Variants in PSMC5 observed in about 807,000 individuals in gnomAD.
PSMC5 encodes 26S proteasome regulatory subunit 8.
PSMC5 carries 11 observed loss-of-function variants against 49.1 expected under a neutral mutation model. The ratio of observed to expected loss-of-function variants is 0.22; its 90% CI spans 0.14 to 0.37. PSMC5 has a LOEUF of 0.37. Ranked by LOEUF, PSMC5 falls within the 10% of genes least tolerant of loss-of-function variation. The probability of loss-of-function intolerance (pLI) is 1.00; values close to 1 mark genes in which losing one functional copy is unlikely to be tolerated. For synonymous variants in PSMC5, 206 were observed against 192.2 expected (o/e 1.07, Z -0.59); for missense variants, 229 against 520.9 (o/e 0.44, Z 5.45).
In PSMC5 at chr17:63,827,446, C is replaced by T; in HGVS notation, c.-45C>T. On this transcript the variant is annotated 5_prime_UTR_variant, in exon 1 of 12. Transcript: ENST00000310144. ...CCAATCCTCCGCTTCCGCGCTTGCGCGCCAAGACGGCTCGGATGCCGGCGG... is the reference window on the plus strand; with the variant it reads ...CCAATCCTCCGCTTCCGCGCTTGCGTGCCAAGACGGCTCGGATGCCGGCGG... 1 of 1,551,738 alleles carries T rather than the reference C, an allele frequency of 6.4e-7. No homozygotes were observed. Among genetic ancestry groups the T allele is most frequent in the Non-Finnish European group, 8.7e-7 (1 of 1,147,002 alleles).
In PSMC5 at chr17:63,831,857, A is replaced by G. The variant is rs1464411450; in HGVS notation, c.1167+47A>G. On this transcript the variant is annotated intron_variant, in intron 11 of 11. Coordinates refer to ENST00000310144, the MANE Select transcript of PSMC5 (RefSeq NM_002805.6). The surrounding 1 kb of genome is among the most constrained non-coding windows in gnomAD (Gnocchi z 6.3). ...CCTTTGCCAGTGGTGGCTCTGGGGC[A>G]GTGGGCTAGGGCATGTGTGTGTTCG... 2.5e-6 allele frequency: 4 copies of G among 1,612,772 alleles called. No individual in the cohort carries two copies. Among genetic ancestry groups the G allele is most frequent in the Non-Finnish European group, 3.4e-6 (4 of 1,178,872 alleles).
rs758453195 is a variant in PSMC5 at position 63,830,987 on chromosome 17, GAGCTAATA to G, written c.680-36_680-29del. 170 of 1,611,446 alleles carry G rather than the reference GAGCTAATA, an allele frequency of 1.1e-4. 1 individual carries two copies. The African/African-American group carries it at 1.5e-3, about 14-fold the overall frequency. On this transcript the variant is annotated intron_variant, in intron 7 of 11. Coordinates refer to ENST00000310144, the MANE Select transcript of PSMC5 (RefSeq NM_002805.6). This position sits in a 1 kb window ranked among gnomAD's most constrained non-coding sequence, Gnocchi z 4.0. The stretch of plus-strand genomic sequence containing the variant: ...CAAGAGGTAGGGGTAGGGGGTTAGA[GAGCTAATA>G]AGCTAATAAGCTCCCTAACACCAGC...
rs1393282895 is a variant in PSMC5 at position 63,827,470 on chromosome 17, G to A, written c.-21G>A. ...GCGCCAAGACGGCTCGGATGCCGGC[G>A]GTCTCTGCTGAAGAGAGAAGATGGC... On this transcript the variant is annotated 5_prime_UTR_variant, in exon 1 of 12. Transcript: ENST00000310144. 7 of 1,551,604 alleles carry A rather than the reference G, an allele frequency of 4.5e-6. No homozygotes were observed. The East Asian group carries it at 9.8e-5, about 22-fold the overall frequency.
intron 2 of PSMC5, 40 bp downstream of exon 2, chr17:63,828,249 T>C (rs956240702): frequency 6.3e-7 from 1 of 1,593,028 alleles, no homozygotes. Context: ...AGGGTGATGA[T>C]GGGGGATGGA....
chr17:63,831,359 G>C lies in PSMC5; in HGVS notation c.903G>C (p.Leu301=), dbSNP rs1333807991. 3 of 1,613,904 alleles carry C rather than the reference G, an allele frequency of 1.9e-6. No individual in the cohort carries two copies. The African/African-American group carries it at 4.0e-5, about 22-fold the overall frequency. The change falls in exon 9 of 12, where the codon CTG becomes CTC. Residue 301 remains leucine (L), a synonymous_variant. Transcript: ENST00000310144. This position sits in a 1 kb window ranked among gnomAD's most constrained non-coding sequence, Gnocchi z 6.3. ...VIMATNRIDI[L]DSALLRPGRI... is the part of the protein sequence containing the mutation. ...TGGCTACTAATAGGATTGATATCCT[G>C]GACTCGGCACTGCTTCGCCCAGGGC...
chr17:63,828,809 G>A (rs1467879245), intron 2 of PSMC5: 2 of 154,618 alleles, frequency 1.3e-5, no homozygotes, highest in Admixed American at 6.4e-5. Context: ...GTCTGTTAGT[G>A]TTACGTTATA....
chr17:63,830,239 T>C lies in PSMC5; in HGVS notation c.322-32T>C. 1 of 1,614,086 alleles carries C rather than the reference T, an allele frequency of 6.2e-7. No individual in the cohort carries two copies. The highest frequency in any genetic ancestry group is 1.7e-5 in the Admixed American group (1 of 60,018). On this transcript the variant is annotated intron_variant, in intron 5 of 11. Transcript: ENST00000310144. This position sits in a 1 kb window ranked among gnomAD's most constrained non-coding sequence, Gnocchi z 4.0. ...GTGGTGGTGGGGTCAGCTCTTACTG[T>C]ACCACTTCTGAAACTCGCCCCCTTC...
Position 63,831,630 on chromosome 17 carries a change from C to T in PSMC5, c.1080+14C>T. 1.2e-6 allele frequency: 2 copies of T among 1,613,696 alleles called. 1 individual carries two copies. The highest frequency in any genetic ancestry group is 2.2e-5 in the South Asian group (2 of 91,062). ...GCTGAAGTGAAGGTAATTGGAGTAC[C>T]CACTGAAAACAGGGCAGAGGCAGGA... On this transcript the variant is annotated intron_variant, in intron 10 of 11. Transcript: ENST00000310144. This position sits in a 1 kb window ranked among gnomAD's most constrained non-coding sequence, Gnocchi z 6.3.
At position 63,831,813 on chromosome 17, in the gene PSMC5, A is replaced by G. The variant is rs1456282098; in HGVS notation, c.1167+3A>G. On this transcript the variant is annotated splice_donor_region_variant and intron_variant, in intron 11 of 11. Transcript: ENST00000310144. This position sits in a 1 kb window ranked among gnomAD's most constrained non-coding sequence, Gnocchi z 6.3. The stretch of plus-strand genomic sequence containing the variant: ...ACTTTGAGATGGCAGTAGCCAAGGT[A>G]TAGGCCTCCATCTTTGTGCCTTTGC... 6.2e-7 allele frequency: 1 copy of G among 1,614,104 alleles called. No homozygotes were observed. The highest frequency in any genetic ancestry group is 8.5e-7 in the Non-Finnish European group (1 of 1,179,958).
chr17:63,831,345 A>G lies in PSMC5; in HGVS notation c.889A>G (p.Arg297Gly). 6.2e-7 allele frequency: 1 copy of G among 1,614,028 alleles called. No homozygotes were observed. The highest frequency in any genetic ancestry group is 8.5e-7 in the Non-Finnish European group (1 of 1,180,022). Reference protein sequence around the residue: ...KNIKVIMATNRIDILDSALLR... With the variant: ...KNIKVIMATNGIDILDSALLR... ...TGCTCAGGTTATCATGGCTACTAAT[A>G]GGATTGATATCCTGGACTCGGCACT... The change falls in exon 9 of 12, where the codon AGG (arginine) becomes GGG (glycine). Residue 297 changes from arginine (R) to glycine (G), a missense_variant. This residue lies in a region of PSMC5 where 121 missense variants were observed against 330.6 expected (regional missense o/e 0.37). Coordinates refer to ENST00000310144, the MANE Select transcript of PSMC5 (RefSeq NM_002805.6). This position sits in a 1 kb window ranked among gnomAD's most constrained non-coding sequence, Gnocchi z 6.3.
Position 63,830,605 on chromosome 17 carries a change from T to TG in PSMC5, c.552+105dup. ...GGAGGCACCGGGATAGGCTGCATCT[T>TG]GCTTGGGCTGGCCCTCCCCCTGAAA... is the stretch of plus-strand genomic sequence containing the variant. On this transcript the variant is annotated intron_variant, in intron 6 of 11. Transcript: ENST00000310144. This position sits in a 1 kb window ranked among gnomAD's most constrained non-coding sequence, Gnocchi z 4.0. 6.6e-7 allele frequency: 1 copy of TG among 1,514,756 alleles called. No homozygotes were observed. The highest frequency in any genetic ancestry group is 8.8e-7 in the Non-Finnish European group (1 of 1,132,136). 93.8% of individuals were successfully genotyped at this position (1,514,756 alleles called of 1,614,324 possible). A position where few individuals can be genotyped will look rare whatever the true frequency, so the allele number is the denominator to read the frequency against.
In PSMC5 at chr17:63,829,895, C is replaced by A. The variant is rs372235083; in HGVS notation, c.210C>A (p.Gly70=). Residue 70 remains glycine, a synonymous_variant, in exon 4 of 12, where the codon GGC becomes GGA. Coordinates refer to ENST00000310144, the MANE Select transcript of PSMC5 (RefSeq NM_002805.6). ...AGCTACAGCTGCTGCAGGAGCAGGG[C>A]TCCTATGTGGGGGAAGTAGTCCGGG... is the stretch of plus-strand genomic sequence containing the variant. ...REELQLLQEQ[G]SYVGEVVRAM... is the part of the protein sequence containing the mutation. The A allele has an allele frequency of 3.5e-5, 56 of 1,613,730 alleles. No homozygotes were observed. Among genetic ancestry groups the A allele is most frequent in the Non-Finnish European group, 4.7e-5 (55 of 1,179,888 alleles).
Position 63,827,436 on chromosome 17 carries a change from C to G in PSMC5, c.-55C>G. On this transcript the variant is annotated 5_prime_UTR_variant, in exon 1 of 12. Coordinates refer to ENST00000310144, the MANE Select transcript of PSMC5 (RefSeq NM_002805.6). ...TCTTCAGGTCCCAATCCTCCGCTTC[C>G]GCGCTTGCGCGCCAAGACGGCTCGG... The G allele has an allele frequency of 6.4e-7, 1 of 1,551,646 alleles. No individual in the cohort carries two copies. The highest frequency in any genetic ancestry group is 1.7e-4 in the Middle Eastern group (1 of 5,990).
intron 1 of PSMC5, chr17:63,827,818 T>C: frequency 7.0e-7 from 1 of 1,428,386 alleles, no homozygotes; most frequent in Non-Finnish European, 9.1e-7. Flanking sequence ...TTCCGCTGGC[T>C]CCTTCGTCAG....
intron 1 of PSMC5, 100 bp from the exon 2 acceptor site, chr17:63,828,038 C>T: frequency 7.0e-7 from 1 of 1,438,660 alleles, no homozygotes; most frequent in Non-Finnish European, 9.7e-7. Flanking sequence ...TTCTACTACG[C>T]AAAGCTACCT....
At chr17:63,827,905 C>T in intron 1 of PSMC5, 1 of 1,405,414 alleles carries the variant, frequency 7.1e-7, no homozygotes, top group Non-Finnish European at 9.3e-7. Context: ...CCTCTCGGTC[C>T]TCCTAAAAGT....
chr17:63,829,032 T>C (rs2040148174), intron 2 of PSMC5: 1 of 157,632 alleles, frequency 6.3e-6, no homozygotes, highest in Admixed American at 6.3e-5. Flanking sequence ...TTCGTTCACC[T>C]TAGTAGTCTT....
chr17:63,830,443 TC>T lies in PSMC5; in HGVS notation c.495del (p.Ile165MetfsTer60), dbSNP rs1567757704. The T allele has an allele frequency of 6.2e-7, 1 of 1,614,178 alleles. No individual in the cohort carries two copies. Among genetic ancestry groups the T allele is most frequent in the Non-Finnish European group, 8.5e-7 (1 of 1,180,042 alleles). The stretch of plus-strand genomic sequence containing the variant: ...CAGATCAAGGAGATCAAAGAAGTGA[TC>T]GAGCTGCCTGTTAAGCATCCTGAGC... ...DKQIKEIKEV[I>X]ELPVKHPELF... On this transcript the variant is annotated frameshift_variant, in exon 6 of 12. Transcript: ENST00000310144. LOFTEE classifies it high-confidence loss of function. The surrounding 1 kb of genome is among the most constrained non-coding windows in gnomAD (Gnocchi z 4.0).
In PSMC5 at chr17:63,832,009, T is replaced by C; in HGVS notation, c.*40T>C. ...TGTGTATCTCTCCAATAAAGCTCTG[T>C]GGGCCAAGTCCTCTAGGACTCCAGT... On this transcript the variant is annotated 3_prime_UTR_variant, in exon 12 of 12. Transcript: ENST00000310144. 1 of 1,581,714 alleles carries C rather than the reference T, an allele frequency of 6.3e-7. No homozygotes were observed. The highest frequency in any genetic ancestry group is 8.7e-7 in the Non-Finnish European group (1 of 1,150,616).
Sources: allele counts gnomAD v4.1 joint callset, GRCh38; gene constraint gnomAD v4.1.1; regional missense constraint gnomAD v4.1.1; non-coding constraint Gnocchi (gnomAD v3.1); transcripts MANE v1.5; gene names NCBI Gene and HGNC (gene_info 2026-07-23, HGNC 2026-07-21).